Variants in LRP8 observed in about 807,000 individuals in gnomAD.
LRP8 encodes the protein low-density lipoprotein receptor-related protein 8.
In LRP8, 46 loss-of-function variants were observed where a neutral mutation model predicts 111.6. The ratio of observed to expected loss-of-function variants is 0.41; its 90% CI spans 0.33 to 0.53. The LOEUF is 0.53. Ranked by LOEUF, LRP8 falls within the 20% of genes least tolerant of loss-of-function variation. The pLI is 0.20. For synonymous variants in LRP8, 464 were observed against 511.2 expected (o/e 0.91, Z 1.24); for missense variants, 959 against 1,297.4 (o/e 0.74, Z 4.01).
intron 2 of LRP8, among the ~76,000 whole-genome samples, chr1:53,322,963 G>C (rs1016352317): frequency 6.6e-6 from 1 of 152,122 alleles, no homozygotes; most frequent in African/African-American, 2.4e-5. Flanking sequence ...AGGGGTGATG[G>C]GTGCTGGGAT....
chr1:53,295,572 T>C (rs1234597483), intron 2 of LRP8, among the ~76,000 whole-genome samples: 1 of 151,792 alleles, frequency 6.6e-6, no homozygotes, highest in Non-Finnish European at 1.5e-5. Flanking sequence ...CGTGAGGCCA[T>C]GCAAGACAGA....
chr1:53,267,716 T>C (rs1175528955), intron 8 of LRP8: 1 of 152,238 alleles, frequency 6.6e-6, no homozygotes, highest in Non-Finnish European at 1.5e-5. Flanking sequence ...TAGGGTTAGA[T>C]TTTAAGATGA....
intron 3 of LRP8, among the ~76,000 whole-genome samples, chr1:53,284,263 C>T (rs1032589916): frequency 8.7e-5 from 13 of 149,884 alleles, no homozygotes; most frequent in Middle Eastern, 3.4e-3. Context: ...ACTACATACC[C>T]GGGCCACTTA....
At chr1:53,254,642 A>G (rs1646012740) in intron 16 of LRP8, among the ~76,000 whole-genome samples, 2 of 152,160 alleles carry the variant, frequency 1.3e-5, no homozygotes, top group Admixed American at 6.5e-5. Flanking sequence ...CCCTTATCAG[A>G]GTTTGGCACA....
Position 53,242,858 on chromosome 1 carries a change from T to TATGCAC in LRP8, c.*4159_*4160insGTGCAT, listed in dbSNP as rs56722919. The TATGCAC allele has an allele frequency of 7.1e-6, 1 of 140,572 alleles. No individual in the cohort carries two copies. The highest frequency in any genetic ancestry group is 2.2e-4 in the South Asian group (1 of 4,600). The allele number at this position is 140,572 out of a possible 1,614,324, so 8.7% of individuals were successfully genotyped here. ...TTAAATATATATATATATATATATA[T>TATGCAC]ACACACACACACACGTGGCTTTTTA... On this transcript the variant is annotated 3_prime_UTR_variant, in exon 19 of 19. Transcript: ENST00000306052.
intron 5 of LRP8, 59 bp downstream of exon 5, chr1:53,276,633 G>A (rs1646926898): frequency 2.9e-6 from 4 of 1,367,440 alleles, no homozygotes; most frequent in Admixed American, 2.4e-5. Context: ...TGGCGGATCC[G>A]GATCGGATAG....
chr1:53,323,834 C>T (rs1326287070), intron 2 of LRP8, among the ~76,000 whole-genome samples: 7 of 152,202 alleles, frequency 4.6e-5, no homozygotes, highest in Admixed American at 2.6e-4. Flanking sequence ...AACAATACCA[C>T]CTGTTTTTAA....
chr1:53,242,442 C>G lies in LRP8; in HGVS notation c.*4576G>C, dbSNP rs1645659037. On this transcript the variant is annotated 3_prime_UTR_variant, in exon 19 of 19. Coordinates refer to ENST00000306052, the MANE Select transcript of LRP8 (RefSeq NM_004631.5). The stretch of plus-strand genomic sequence containing the variant: ...ATGTCCACATTTGGTTTTCAGTTTA[C>G]CAAGATGATGCCAGTATAGCTAGTG... 1 of 152,060 alleles carries G rather than the reference C, an allele frequency of 6.6e-6. No homozygotes were observed. Among genetic ancestry groups the G allele is most frequent in the Non-Finnish European group, 1.5e-5 (1 of 68,020 alleles). The allele number at this position is 152,060 out of a possible 1,614,324, so 9.4% of individuals were successfully genotyped here. A position where few individuals can be genotyped will look rare whatever the true frequency, so the allele number is the denominator to read the frequency against.
In LRP8 at chr1:53,242,820, C is replaced by T. The variant is rs1329942881; in HGVS notation, c.*4198G>A. 2.0e-5 allele frequency: 3 copies of T among 146,442 alleles called. No homozygotes were observed. The highest frequency in any genetic ancestry group is 4.5e-5 in the Non-Finnish European group (3 of 66,884). 9.1% of individuals were successfully genotyped at this position (146,442 alleles called of 1,614,324 possible). ...TCTTGTAGTTTTTGTAAAAAAGTAT[C>T]AAAACCTTGGCTTTAAATATATATA... On this transcript the variant is annotated 3_prime_UTR_variant, in exon 19 of 19. Transcript: ENST00000306052.
At chr1:53,299,381 G>C (rs1247769011) in intron 2 of LRP8, among the ~76,000 whole-genome samples, 3 of 152,228 alleles carry the variant, frequency 2.0e-5, no homozygotes, top group Non-Finnish European at 1.5e-5. Context: ...CAATTAGGCT[G>C]GTAGGAGAAG....
intron 16 of LRP8, among the ~76,000 whole-genome samples, chr1:53,254,650 A>T (rs1458597871): frequency 6.6e-6 from 1 of 152,204 alleles, no homozygotes; most frequent in Non-Finnish European, 1.5e-5. Context: ...AGAGTTTGGC[A>T]CATAGTAGCT....
At chr1:53,320,452 G>T (rs1392617270) in intron 2 of LRP8, among the ~76,000 whole-genome samples, 1 of 152,146 alleles carries the variant, frequency 6.6e-6, no homozygotes, top group African/African-American at 2.4e-5. Context: ...CGACCATCAG[G>T]GCCTTAGTTT....
At chr1:53,286,174 G>A (rs1261319777) in intron 3 of LRP8, among the ~76,000 whole-genome samples, 2 of 152,218 alleles carry the variant, frequency 1.3e-5, no homozygotes, top group African/African-American at 4.8e-5. Flanking sequence ...AGAGGCTCCG[G>A]TGGTGAGAAC....
intron 12 of LRP8, among the ~76,000 whole-genome samples, chr1:53,261,616 C>G (rs934282588): frequency 5.3e-5 from 8 of 152,346 alleles, no homozygotes; most frequent in African/African-American, 1.9e-4. Context: ...AGGATAGTGT[C>G]TGATTCACTT....
intron 2 of LRP8, among the ~76,000 whole-genome samples, chr1:53,300,780 G>T (rs1650669521): frequency 6.6e-6 from 1 of 152,228 alleles, no homozygotes; most frequent in South Asian, 2.1e-4. Context: ...TCTCTGGGGA[G>T]TTCCACAAAG....
rs150326174 is a variant in LRP8, at chr1:53,294,110, C to T, written c.245-4421G>A. Among the ~76,000 whole-genome samples, 1,142 of 152,318 alleles carry T rather than the reference C, an allele frequency of 7.5e-3. 5 individuals are homozygous for T. Among genetic ancestry groups the T allele is most frequent in the Non-Finnish European group, 0.012 (796 of 68,036 alleles). On this transcript the variant is annotated intron_variant, in intron 2 of 18. Coordinates refer to ENST00000306052, the MANE Select transcript of LRP8 (RefSeq NM_004631.5). This position sits in a 1 kb window ranked among gnomAD's most constrained non-coding sequence, Gnocchi z 4.1. ...CTTGGCTCTGGTTCCCAGGGTGATT[C>T]CCCAGCTGGGCTCAAGGCCATGGCT... is the stretch of plus-strand genomic sequence containing the variant.
At chr1:53,253,539 C>CT (rs1208148168) in intron 16 of LRP8, among the ~76,000 whole-genome samples, 1 of 152,192 alleles carries the variant, frequency 6.6e-6, no homozygotes, top group Non-Finnish European at 1.5e-5. Context: ...TAATACTCAT[C>CT]TTTCACTCCT....
intron 4 of LRP8, among the ~76,000 whole-genome samples, 169 bp from the exon 5 acceptor site, chr1:53,277,247 C>T (rs933181567): frequency 1.3e-5 from 2 of 152,216 alleles, no homozygotes; most frequent in Non-Finnish European, 2.9e-5. Context: ...GGGCTTCCAA[C>T]ACGGACATGC....
chr1:53,296,816 C>G (rs1225110447), intron 2 of LRP8, among the ~76,000 whole-genome samples: 2 of 152,252 alleles, frequency 1.3e-5, no homozygotes, highest in African/African-American at 4.8e-5. Context: ...ACTACCAGAG[C>G]CACCCTCTCA....
Sources: allele counts gnomAD v4.1 joint callset (sites outside exome capture counted in the v4.1 genomes callset), GRCh38; gene constraint gnomAD v4.1.1; non-coding constraint Gnocchi (gnomAD v3.1); transcripts MANE v1.5; gene names NCBI Gene and HGNC (gene_info 2026-07-23, HGNC 2026-07-21).